SLC14A2: variants seen among roughly 807,000 people sequenced by gnomAD.
SLC14A2 encodes urea transporter 2.
Under a neutral mutation model 104.6 loss-of-function variants are expected in SLC14A2, and 91 were observed. The ratio of observed to expected loss-of-function variants is 0.87; its 90% CI spans 0.73 to 1.04. The LOEUF (loss-of-function observed/expected upper bound fraction) is 1.04. SLC14A2 is among the 50% of genes least tolerant of loss of function. SLC14A2 has a pLI of 0.00. For synonymous variants in SLC14A2, 476 were observed against 466.4 expected, an observed-to-expected ratio of 1.02 and a Z score of -0.27; for missense variants, 1,189 against 1,156.0, an observed-to-expected ratio of 1.03 and a Z score of -0.41.
At chr18:45,618,148 C>T (rs2045103051) in intron 1 of SLC14A2, among the ~76,000 whole-genome samples, 2 of 152,150 alleles carry the variant, frequency 1.3e-5, no homozygotes, top group Admixed American at 6.5e-5. Context: ...AAAGGGACCC[C>T]AGCCAGGAGA....
At chr18:45,563,940 T>G (rs1049048853) in intron 2 of SLC14A2, among the ~76,000 whole-genome samples, 1 of 152,218 alleles carries the variant, frequency 6.6e-6, no homozygotes, top group Non-Finnish European at 1.5e-5. Context: ...TTCAGGGCAT[T>G]TTTTCTTTCA....
intron 1 of SLC14A2, among the ~76,000 whole-genome samples, chr18:45,356,316 T>G (rs1263594958): frequency 1.3e-5 from 2 of 152,224 alleles, no homozygotes; most frequent in Non-Finnish European, 2.9e-5. Flanking sequence ...ACAGCCTTGT[T>G]TTCTATGACA....
chr18:45,487,881 G>T (rs200977114), intron 2 of SLC14A2, among the ~76,000 whole-genome samples: 1 of 152,170 alleles, frequency 6.6e-6, no homozygotes, highest in Non-Finnish European at 1.5e-5. Flanking sequence ...AGAATTGCTG[G>T]TGTAACTAAG....
At position 45,508,637 on chromosome 18, in the gene SLC14A2, A is replaced by G. The variant is rs574670741; in HGVS notation, c.-35+25315A>G. Among the ~76,000 whole-genome samples the G allele has an allele frequency of 5.3e-5, 8 of 152,288 alleles. No individual in the cohort carries two copies. In the Middle Eastern group the frequency reaches 0.014, roughly 259 times the overall value. ...TCATCTTTTCTTTGCTTGCCAGCCT[A>G]CTAATGGGTGCTCAACTTTCTACAA... On this transcript the variant is annotated intron_variant, in intron 2 of 20. Transcript: ENST00000586448.
intron 2 of SLC14A2, among the ~76,000 whole-genome samples, chr18:45,583,221 G>A (rs1049748062): frequency 1.3e-5 from 2 of 152,072 alleles, no homozygotes; most frequent in Non-Finnish European, 2.9e-5. Context: ...CCAGGCCATG[G>A]CAACTCCAAG....
chr18:45,569,274 CTCTT>C (rs970064675), intron 2 of SLC14A2, among the ~76,000 whole-genome samples: 2 of 152,230 alleles, frequency 1.3e-5, no homozygotes, highest in Admixed American at 6.5e-5. Flanking sequence ...ACCCAGTTCT[CTCTT>C]TCTACTGGTT....
chr18:45,364,973 C>T (rs550027591), intron 1 of SLC14A2, among the ~76,000 whole-genome samples: 5 of 152,114 alleles, frequency 3.3e-5, no homozygotes, highest in South Asian at 2.1e-4. Context: ...CAGAGTGAAT[C>T]GCAGATTTTG....
At chr18:45,343,975 G>A (rs1260215090) in intron 1 of SLC14A2, among the ~76,000 whole-genome samples, 1 of 152,134 alleles carries the variant, frequency 6.6e-6, no homozygotes, top group Non-Finnish European at 1.5e-5. Context: ...ACTGTATGAG[G>A]GCTCGTCTCC....
intron 18 of SLC14A2, among the ~76,000 whole-genome samples, chr18:45,675,260 T>C (rs2046207041): frequency 6.6e-6 from 1 of 152,244 alleles, no homozygotes; most frequent in South Asian, 2.1e-4. Context: ...CTAACATTTA[T>C]TGGTTTTCAC....
At chr18:45,507,475 G>A (rs1396107106) in intron 2 of SLC14A2, 1 of 152,188 alleles carries the variant, frequency 6.6e-6, no homozygotes, top group Non-Finnish European at 1.5e-5. Flanking sequence ...CCATGGGAGA[G>A]ACCAGGCTGA....
intron 1 of SLC14A2, among the ~76,000 whole-genome samples, chr18:45,219,326 A>T (rs1316872433): frequency 6.6e-6 from 1 of 152,236 alleles, no homozygotes; most frequent in Non-Finnish European, 1.5e-5. Flanking sequence ...TTATTTATAT[A>T]AATTTGTTTA....
At chr18:45,238,647 C>T (rs928597102) in intron 1 of SLC14A2, among the ~76,000 whole-genome samples, 1 of 151,986 alleles carries the variant, frequency 6.6e-6, no homozygotes, top group Non-Finnish European at 1.5e-5. Context: ...ATATATTATG[C>T]ATGTAGATAA....
rs545903216 is a variant in SLC14A2 at position 45,297,118 on chromosome 18, A to G, written c.-125+83927A>G. On this transcript the variant is annotated intron_variant, in intron 1 of 20. Transcript: ENST00000586448. The stretch of plus-strand genomic sequence containing the variant: ...TAAGAAGCTGTATCATTGGCAAATG[A>G]AAGAAGAAAGATATTGGACATTAAC... Among the ~76,000 whole-genome samples, 6 of 152,322 alleles carry G rather than the reference A, an allele frequency of 3.9e-5. No individual in the cohort carries two copies. The South Asian group carries it at 8.3e-4, about 21-fold the overall frequency.
In SLC14A2 at chr18:45,639,904, G is replaced by A; in HGVS notation, c.991+11G>A. ...TGGGGCTGCTAGCAGGTAGGACAGA[G>A]CTCCCTCTCTTCAGGTCCTCAGGAT... On this transcript the variant is annotated intron_variant, in intron 7 of 19. Coordinates refer to ENST00000255226, the MANE Select transcript of SLC14A2 (RefSeq NM_007163.4). The A allele has an allele frequency of 1.9e-6, 3 of 1,611,424 alleles. No individual in the cohort carries two copies. Among genetic ancestry groups the A allele is most frequent in the South Asian group, 2.2e-5 (2 of 90,820 alleles).
intron 1 of SLC14A2, among the ~76,000 whole-genome samples, chr18:45,375,004 A>G (rs2085759225): frequency 6.6e-6 from 1 of 152,212 alleles, no homozygotes; most frequent in African/African-American, 2.4e-5. Context: ...TAAAGGTAAT[A>G]CTAAAACCGC....
upstream of SLC14A2, among the ~76,000 whole-genome samples, chr18:45,211,429 G>A (rs1243897167): frequency 1.3e-5 from 2 of 152,156 alleles, no homozygotes; most frequent in East Asian, 3.9e-4. Flanking sequence ...TGCAAGGCAG[G>A]TATTTCAAAT....
intron 1 of SLC14A2, among the ~76,000 whole-genome samples, chr18:45,214,186 G>T (rs953251149): frequency 2.0e-5 from 3 of 152,164 alleles, no homozygotes; most frequent in Admixed American, 6.5e-5. Context: ...TACTCTTTGT[G>T]TGTATGTAAA....
chr18:45,474,978 G>A (rs1395809395), intron 1 of SLC14A2, among the ~76,000 whole-genome samples: 4 of 151,942 alleles, frequency 2.6e-5, no homozygotes, highest in South Asian at 2.1e-4. Context: ...TAAGGGTGTC[G>A]ACTCTAGATC....
chr18:45,212,506 G>C (rs1267878278), upstream of SLC14A2, among the ~76,000 whole-genome samples: 2 of 152,262 alleles, frequency 1.3e-5, no homozygotes, highest in Middle Eastern at 3.4e-3. Flanking sequence ...ACATGAAAAG[G>C]TCTGGCATAC....
Sources: allele counts gnomAD v4.1 joint callset (sites outside exome capture counted in the v4.1 genomes callset), GRCh38; gene constraint gnomAD v4.1.1; transcripts MANE v1.5; gene names NCBI Gene and HGNC (gene_info 2026-07-23, HGNC 2026-07-21).